Variants in PCLO observed in about 807,000 individuals in gnomAD.
PCLO encodes protein piccolo.
In PCLO, 82 loss-of-function variants were observed where a neutral mutation model predicts 427.5. The ratio of observed to expected loss-of-function variants is 0.19; its 90% confidence interval spans 0.16 to 0.23. PCLO has a LOEUF of 0.23. Among genes scored for constraint, PCLO ranks in the 10% least tolerant of loss-of-function variants. The probability of loss-of-function intolerance (pLI) is 1.00; values close to 1 mark genes in which losing one functional copy is unlikely to be tolerated. For synonymous variants in PCLO, 2,357 were observed against 2,155.4 expected, an observed-to-expected ratio of 1.09 and a Z score of -2.59; for missense variants, 6,239 against 6,115.9, an observed-to-expected ratio of 1.02 and a Z score of -0.67.
chr7:82,847,287 A>G, intron 10 of PCLO, 40 bp from the exon 11 acceptor site: 1 of 1,144,126 alleles, frequency 8.7e-7, no homozygotes. Context: ...AACGTGTGCT[A>G]TCTCTAGTCT....
chr7:82,924,379 A>T (rs2116311938), intron 6 of PCLO, among the ~76,000 whole-genome samples: 1 of 152,234 alleles, frequency 6.6e-6, no homozygotes. Context: ...TCAAAAACTA[A>T]TATTCAAAAG....
At chr7:82,957,648 C>T (rs1045851932) in intron 4 of PCLO, among the ~76,000 whole-genome samples, 1 of 152,144 alleles carries the variant, frequency 6.6e-6, no homozygotes, top group African/African-American at 2.4e-5. Context: ...ATTGGTCTGA[C>T]TCATCAGTTC....
intron 22 of PCLO, among the ~76,000 whole-genome samples, chr7:82,786,967 C>A (rs934453409): frequency 6.6e-6 from 1 of 152,010 alleles, no homozygotes; most frequent in Non-Finnish European, 1.5e-5. Flanking sequence ...ATATGTGCCA[C>A]GTTTTCTTTA....
At chr7:83,108,997 T>C (rs1790936039) in intron 3 of PCLO, among the ~76,000 whole-genome samples, 5 of 134,718 alleles carry the variant, frequency 3.7e-5, no homozygotes, top group South Asian at 4.7e-4. Context: ...TGCATCCACC[T>C]AATACTTGGA....
chr7:82,862,993 A>T (rs1231794227), intron 10 of PCLO, among the ~76,000 whole-genome samples: 3 of 152,024 alleles, frequency 2.0e-5, no homozygotes, highest in Admixed American at 2.0e-4. Flanking sequence ...AAAATAACCT[A>T]ATGAGTATAA....
intron 10 of PCLO, among the ~76,000 whole-genome samples, chr7:82,849,436 G>T (rs1792591148): frequency 6.6e-6 from 1 of 152,104 alleles, no homozygotes; most frequent in South Asian, 2.1e-4. Flanking sequence ...TAGTTCAAAA[G>T]AATGGGACAA....
chr7:82,968,348 G>C (rs1434970019), intron 3 of PCLO, among the ~76,000 whole-genome samples: 1 of 152,088 alleles, frequency 6.6e-6, no homozygotes, highest in East Asian at 1.9e-4. Flanking sequence ...TTGGAAAGAA[G>C]ATTTGATTCA....
chr7:82,908,121 G>A (rs990129175), intron 8 of PCLO, among the ~76,000 whole-genome samples: 2 of 151,972 alleles, frequency 1.3e-5, no homozygotes, highest in African/African-American at 2.4e-5. Flanking sequence ...TATCTGATCT[G>A]CTAAGGCAAT....
intron 2 of PCLO, among the ~76,000 whole-genome samples, chr7:83,136,215 C>A (rs1791725752): frequency 6.6e-6 from 1 of 151,884 alleles, no homozygotes; most frequent in Non-Finnish European, 1.5e-5. Flanking sequence ...AATTGTTATT[C>A]TTTGCCTTTG....
intron 3 of PCLO, among the ~76,000 whole-genome samples, chr7:83,002,927 T>C (rs1787858611): frequency 6.6e-6 from 1 of 151,748 alleles, no homozygotes; most frequent in African/African-American, 2.4e-5. Context: ...CTATTTATAT[T>C]ATAAAAATAT....
At chr7:83,042,049 T>C (rs1427826478) in intron 3 of PCLO, among the ~76,000 whole-genome samples, 1 of 152,160 alleles carries the variant, frequency 6.6e-6, no homozygotes, top group South Asian at 2.1e-4. Flanking sequence ...TGTGGTGCTA[T>C]AGCTGAACTT....
At chr7:83,148,423 A>G (rs758551358) in intron 2 of PCLO, among the ~76,000 whole-genome samples, 1 of 152,186 alleles carries the variant, frequency 6.6e-6, no homozygotes, top group Non-Finnish European at 1.5e-5. Context: ...TACATGCTCC[A>G]TAAGGGAAGG....
At chr7:83,053,327 C>A (rs1234470768) in intron 3 of PCLO, among the ~76,000 whole-genome samples, 3 of 151,944 alleles carry the variant, frequency 2.0e-5, no homozygotes, top group Non-Finnish European at 4.4e-5. Flanking sequence ...CCATTACACA[C>A]TGAAAAAGTT....
rs1470140493 is a variant in PCLO at position 82,754,618 on chromosome 7, A to C, written c.*3957T>G. The stretch of plus-strand genomic sequence containing the variant: ...GGTAATGCATTAAGAAAATGCTCTC[A>C]ATCTACCTATCAGATAAAGAATTTG... On this transcript the variant is annotated 3_prime_UTR_variant, in exon 25 of 25. Coordinates refer to ENST00000333891, the MANE Select transcript of PCLO (RefSeq NM_033026.6). The C allele has an allele frequency of 6.6e-6, 1 of 152,098 alleles. No individual in the cohort carries two copies. Among genetic ancestry groups the C allele is most frequent in the Non-Finnish European group, 1.5e-5 (1 of 67,954 alleles). The allele number at this position is 152,098 out of a possible 1,614,324, so 9.4% of individuals were successfully genotyped here.
intron 9 of PCLO, among the ~76,000 whole-genome samples, chr7:82,894,718 T>C (rs1045930124): frequency 2.6e-5 from 4 of 152,062 alleles, no homozygotes; most frequent in African/African-American, 9.7e-5. Flanking sequence ...GTTGTCATGA[T>C]AATTCTATCA....
At chr7:83,150,849 G>A (rs1792111177) in intron 2 of PCLO, among the ~76,000 whole-genome samples, 1 of 152,168 alleles carries the variant, frequency 6.6e-6, no homozygotes, top group South Asian at 2.1e-4. Flanking sequence ...ACCAAAGGAT[G>A]TCCCTATCTT....
intron 9 of PCLO, among the ~76,000 whole-genome samples, chr7:82,900,756 T>G (rs958831946): frequency 6.6e-6 from 1 of 151,742 alleles, no homozygotes; most frequent in Non-Finnish European, 1.5e-5. Flanking sequence ...ATAAGGCTTA[T>G]AGATATTTTA....
At chr7:82,853,622 C>A (rs1006672452) in intron 10 of PCLO, among the ~76,000 whole-genome samples, 1 of 152,132 alleles carries the variant, frequency 6.6e-6, no homozygotes, top group African/African-American at 2.4e-5. Flanking sequence ...GCCTATCTCT[C>A]AATAAACAGA....
At position 82,966,105 on chromosome 7, in the gene PCLO, C is replaced by G. The variant is rs765796028; in HGVS notation, c.3683G>C (p.Arg1228Pro). The G allele has an allele frequency of 5.7e-6, 9 of 1,587,656 alleles. No individual in the cohort carries two copies. The South Asian group carries it at 6.7e-5, about 12-fold the overall frequency. ...KKLIPEEEKI[R>P]SEEKKPLLEE... The stretch of plus-strand genomic sequence containing the variant: ...TAGGAGTGGCTTTTTTTCTTCAGAA[C>G]GTATCTTTTCTTCTTCAGGGATTAG... The change falls in exon 4 of 25, where the codon CGT becomes CCT. Residue 1228 changes from arginine to proline, a missense_variant. By Grantham distance (103) the Arg-to-Pro change is moderately radical. Around this residue, in one of 5 missense-constraint regions of PCLO, gnomAD observed 4,677 missense variants for 4,468.4 expected, o/e 1.05. Transcript: ENST00000333891.
Sources: allele counts gnomAD v4.1 joint callset (sites outside exome capture counted in the v4.1 genomes callset), GRCh38; gene constraint gnomAD v4.1.1; regional missense constraint gnomAD v4.1.1; transcripts MANE v1.5; gene names NCBI Gene and HGNC (gene_info 2026-07-23, HGNC 2026-07-21).